The following TMEM245 variants were observed in gnomAD, a reference collection of about 807,000 sequenced individuals.
The protein encoded by TMEM245 is transmembrane protein 245.
A neutral mutation model predicts 101.2 loss-of-function variants in TMEM245; 69 were observed. That is an observed-to-expected ratio of 0.68 (90% CI 0.56 to 0.83). The LOEUF is 0.83. Among genes scored for constraint, TMEM245 ranks in the 40% least tolerant of loss-of-function variants. TMEM245 has a pLI of 0.00. For synonymous variants in TMEM245, 537 were observed against 449.8 expected (o/e 1.19, Z -2.45); for missense variants, 1,075 against 1,092.8 (o/e 0.98, Z 0.23).
At chr9:109,051,466 C>T (rs534283938) in intron 12 of TMEM245, among the ~76,000 whole-genome samples, 5 of 152,192 alleles carry the variant, frequency 3.3e-5, no homozygotes, top group Admixed American at 1.3e-4. Context: ...ATAGAGTGTA[C>T]TGATACAAAC....
chr9:109,093,198 G>C (rs902903398), intron 4 of TMEM245, among the ~76,000 whole-genome samples: 3 of 151,584 alleles, frequency 2.0e-5, no homozygotes, highest in Non-Finnish European at 4.4e-5. Context: ...CAAAAGCAAT[G>C]AATAACAGAA....
Position 109,090,982 on chromosome 9 carries a change from C to A in TMEM245, c.1090G>T (p.Val364Phe). The stretch of plus-strand genomic sequence containing the variant: ...AGGTTCAACCAGATCTGCATGACGA[C>A]AATGGCCCAAACTAGAGACACAAAG... Reference protein sequence around the residue: ...IYFVSLVWAIVVMQIWLNLWI... With the variant: ...IYFVSLVWAIFVMQIWLNLWI... Residue 364 changes from valine to phenylalanine, a missense_variant, in exon 5 of 18, where the codon GTC becomes TTC. By Grantham distance (50) the Val-to-Phe change is conservative. Transcript: ENST00000374586. 1 of 1,614,192 alleles carries A rather than the reference C, an allele frequency of 6.2e-7. No individual in the cohort carries two copies. Among genetic ancestry groups the A allele is most frequent in the South Asian group, 1.1e-5 (1 of 91,084 alleles).
At chr9:109,109,647 T>C (rs1830517724) in intron 1 of TMEM245, among the ~76,000 whole-genome samples, 1 of 152,134 alleles carries the variant, frequency 6.6e-6, no homozygotes, top group Admixed American at 6.5e-5. Flanking sequence ...TTATCCTTAC[T>C]AAATAATGAT....
chr9:109,076,404 A>G, intron 8 of TMEM245, among the ~76,000 whole-genome samples: 1 of 147,836 alleles, frequency 6.8e-6, no homozygotes, highest in Non-Finnish European at 1.5e-5. Flanking sequence ...GGGGGGAGGG[A>G]TAGCATTAGG....
rs751739620 is a variant in TMEM245 at position 109,083,901 on chromosome 9, C to CAAAAAAAAAAAAA, written c.1344+2083_1344+2095dup. Among the ~76,000 whole-genome samples the CAAAAAAAAAAAAA allele has an allele frequency of 6.4e-3, 222 of 34,470 alleles. 58 individuals carry two copies. The highest frequency in any genetic ancestry group is 0.048 in the Middle Eastern group (2 of 42). 22.6% of individuals were successfully genotyped at this position (34,470 alleles called of 152,430 possible). A position where few individuals can be genotyped will look rare whatever the true frequency, so the allele number is the denominator to read the frequency against. Reference sequence around the variant, plus strand: ...CAAAACCCCATCTCTACTAAAAATACAAAAAAAAAAAAAAAAAAAAAAAAA... The same window carrying CAAAAAAAAAAAAA: ...CAAAACCCCATCTCTACTAAAAATACAAAAAAAAAAAAAAAAAAAAAAAAAAAAAAAAAAAAAA... On this transcript the variant is annotated intron_variant, in intron 7 of 17. Coordinates refer to ENST00000374586, the MANE Select transcript of TMEM245 (RefSeq NM_032012.4).
At position 109,091,017 on chromosome 9, in the gene TMEM245, C is replaced by T. The variant is rs750978310; in HGVS notation, c.1055G>A (p.Ser352Asn). The change falls in exon 5 of 18, where the codon AGT becomes AAT. Residue 352 changes from serine (S) to asparagine (N), a missense_variant. Transcript: ENST00000374586. ...IGTFLRKKKT[S>N]DIYFVSLVWA... ...AACTAGAGACACAAAGTAGATGTCA[C>T]TAGTTTTCTTCTTTCTAAGAAACGT... The T allele has an allele frequency of 6.2e-7, 1 of 1,614,174 alleles. No homozygotes were observed. The highest frequency in any genetic ancestry group is 8.5e-7 in the Non-Finnish European group (1 of 1,180,038).
In TMEM245 at chr9:109,080,903, C is replaced by T. The variant is rs1829649281; in HGVS notation, c.1385G>A (p.Ser462Asn). The T allele has an allele frequency of 1.9e-6, 3 of 1,609,988 alleles. No individual in the cohort carries two copies. Among genetic ancestry groups the T allele is most frequent in the Non-Finnish European group, 2.5e-6 (3 of 1,177,278 alleles). The change falls in exon 8 of 18, where the codon AGC (serine) becomes AAC (asparagine). Residue 462 changes from serine to asparagine, a missense_variant. This residue lies in a region of TMEM245 where 808 missense variants were observed against 741.5 expected (regional missense o/e 1.09). Transcript: ENST00000374586. ...WLEKMLDKII[S>N]IFIIFLLVIG... ...CACTAACAAAAATATGATGAAAATGCTAATTATTTTATCTAACATCTTCTC... is the reference window on the plus strand; with the variant it reads ...CACTAACAAAAATATGATGAAAATGTTAATTATTTTATCTAACATCTTCTC...
At chr9:109,102,020 A>C (rs979346054) in intron 3 of TMEM245, among the ~76,000 whole-genome samples, 6 of 152,032 alleles carry the variant, frequency 3.9e-5, no homozygotes, top group Non-Finnish European at 5.9e-5. Context: ...AGGGGAAACC[A>C]TTCTGGCATA....
At position 109,029,416 on chromosome 9, in the gene TMEM245, GAATA is replaced by G. The variant is rs1176873253; in HGVS notation, c.2594+3887_2594+3890del. On this transcript the variant is annotated intron_variant, in intron 17 of 17. Transcript: ENST00000374586. ...TGTCTTCAAACAGTCAAATTAACAA[GAATA>G]AATAATAAAAATTGCTTCAGACTTT... is the stretch of plus-strand genomic sequence containing the variant. Among the ~76,000 whole-genome samples, 4 of 152,080 alleles carry G rather than the reference GAATA, an allele frequency of 2.6e-5. No homozygotes were observed. In the East Asian group the frequency reaches 7.7e-4, roughly 29 times the overall value.
At chr9:109,024,415 T>C (rs949468212) in intron 17 of TMEM245, among the ~76,000 whole-genome samples, 5 of 152,246 alleles carry the variant, frequency 3.3e-5, no homozygotes, top group African/African-American at 1.2e-4. Flanking sequence ...ACCTAGCACT[T>C]ACTATGCGCC....
At chr9:109,082,912 T>G (rs1829709580) in intron 7 of TMEM245, among the ~76,000 whole-genome samples, 1 of 152,090 alleles carries the variant, frequency 6.6e-6, no homozygotes. Flanking sequence ...GGTTGGATGT[T>G]TCATTGAAAT....
chr9:109,024,422 C>T lies in TMEM245; in HGVS notation c.2595-3917G>A, dbSNP rs147236941. The stretch of plus-strand genomic sequence containing the variant: ...AAATCTTCACCTAGCACTTACTATG[C>T]GCCAAGCACCATGTTAGGAGTGGTA... On this transcript the variant is annotated intron_variant, in intron 17 of 17. Transcript: ENST00000374586. Among the ~76,000 whole-genome samples the T allele has an allele frequency of 5.0e-3, 760 of 152,308 alleles. 2 individuals carry two copies. The highest frequency in any genetic ancestry group is 7.8e-3 in the Non-Finnish European group (529 of 68,026).
Position 109,018,766 on chromosome 9 carries a change from C to T in TMEM245, c.*1694G>A, listed in dbSNP as rs1003707989. On this transcript the variant is annotated 3_prime_UTR_variant, in exon 18 of 18. Coordinates refer to ENST00000374586, the MANE Select transcript of TMEM245 (RefSeq NM_032012.4). ...TTTTTTTTTCCTTGGGACAGTGTCTCACTCTCTCACCCAGGCTGGAGTGCA... is the reference window on the plus strand; with the variant it reads ...TTTTTTTTTCCTTGGGACAGTGTCTTACTCTCTCACCCAGGCTGGAGTGCA... The T allele has an allele frequency of 6.6e-6, 1 of 151,380 alleles. No homozygotes were observed. Among genetic ancestry groups the T allele is most frequent in the Non-Finnish European group, 1.5e-5 (1 of 67,988 alleles). 9.4% of individuals were successfully genotyped at this position (151,380 alleles called of 1,614,324 possible).
chr9:109,029,134 A>T (rs1256359567), intron 17 of TMEM245, among the ~76,000 whole-genome samples: 2 of 152,254 alleles, frequency 1.3e-5, no homozygotes, highest in African/African-American at 4.8e-5. Context: ...GTAAAGCTAC[A>T]AGATAAAGTT....
chr9:109,076,273 C>T (rs903232073), intron 8 of TMEM245, among the ~76,000 whole-genome samples: 8 of 150,714 alleles, frequency 5.3e-5, no homozygotes, highest in African/African-American at 1.5e-4. Flanking sequence ...AGCAAACTAT[C>T]GCAAAGACAA....
chr9:109,108,018 C>T (rs970383817), intron 2 of TMEM245, among the ~76,000 whole-genome samples: 10 of 152,160 alleles, frequency 6.6e-5, no homozygotes, highest in African/African-American at 2.4e-4. Flanking sequence ...GCTTTCATGT[C>T]TTATATCCTC....
intron 14 of TMEM245, among the ~76,000 whole-genome samples, chr9:109,043,125 T>A (rs1320499383): frequency 6.6e-6 from 1 of 152,170 alleles, no homozygotes. Flanking sequence ...GAACCTAAAA[T>A]TCAGAGATTG....
At chr9:109,080,801 AG>A in intron 8 of TMEM245, 37 bp downstream of exon 8, 2 of 1,261,166 alleles carry the variant, frequency 1.6e-6, no homozygotes, top group Non-Finnish European at 2.3e-6. Context: ...CTAACAATTA[AG>A]GGTTTATTAA....
intron 9 of TMEM245, among the ~76,000 whole-genome samples, chr9:109,065,023 T>C (rs1427457092): frequency 6.6e-6 from 1 of 152,226 alleles, no homozygotes; most frequent in South Asian, 2.1e-4. Flanking sequence ...TGATCTCAAG[T>C]GATCCACCTG....
Sources: allele counts gnomAD v4.1 joint callset (sites outside exome capture counted in the v4.1 genomes callset), GRCh38; gene constraint gnomAD v4.1.1; regional missense constraint gnomAD v4.1.1; transcripts MANE v1.5; gene names NCBI Gene and HGNC (gene_info 2026-07-23, HGNC 2026-07-21).